DOCK1: variants seen among roughly 807,000 people sequenced by gnomAD.
DOCK1 encodes the protein dedicator of cytokinesis protein 1.
In DOCK1, 138 loss-of-function variants were observed where a neutral mutation model predicts 262.7. The ratio of observed to expected loss-of-function variants is 0.53; its 90% CI spans 0.46 to 0.61. DOCK1 has a LOEUF of 0.61. Ranked by LOEUF, DOCK1 falls within the 20% of genes least tolerant of loss-of-function variation. The probability of loss-of-function intolerance (pLI) is 0.00; values close to 1 mark genes in which losing one functional copy is unlikely to be tolerated. For missense variants in DOCK1, 1,908 were observed against 2,370.7 expected, an observed-to-expected ratio of 0.80 and a Z score of 4.05; for synonymous variants, 866 against 867.4, an observed-to-expected ratio of 1.00 and a Z score of 0.03.
intron 22 of DOCK1, among the ~76,000 whole-genome samples, chr10:127,056,721 C>T (rs774596987): frequency 2.6e-5 from 4 of 152,018 alleles, no homozygotes; most frequent in Non-Finnish European, 4.4e-5. Flanking sequence ...TTTCTCTGAA[C>T]GTTTCCTGAA....
intron 29 of DOCK1, among the ~76,000 whole-genome samples, chr10:127,315,694 G>A (rs1029835666): frequency 3.9e-5 from 6 of 152,116 alleles, no homozygotes; most frequent in African/African-American, 1.4e-4. Context: ...TGCATTTCCG[G>A]ATTCCAAATA....
At chr10:127,038,755 G>A (rs1216749002) in intron 19 of DOCK1, among the ~76,000 whole-genome samples, 1 of 152,060 alleles carries the variant, frequency 6.6e-6, no homozygotes, top group Non-Finnish European at 1.5e-5. Flanking sequence ...GGTCCTGGGA[G>A]CACTCAGCTT....
chr10:127,393,888 G>A (rs1330334126), intron 38 of DOCK1, among the ~76,000 whole-genome samples: 4 of 148,974 alleles, frequency 2.7e-5, no homozygotes, highest in Admixed American at 2.0e-4. Flanking sequence ...CCTCCTTCCC[G>A]AGCTAATAAT....
Position 127,418,341 on chromosome 10 carries a change from T to C in DOCK1, c.4516-24T>C, listed in dbSNP as rs115338722. The C allele has an allele frequency of 6.5e-4, 1,036 of 1,587,662 alleles. 3 individuals carry two copies. In the African/African-American group the frequency reaches 9.3e-3, roughly 14 times the overall value. ...AGTGGAGGCAGCTGTGGGGCTGACA[T>C]CGGGCTCTCCTCTCTCTTTGCAGGT... On this transcript the variant is annotated intron_variant, in intron 44 of 51. Transcript: ENST00000623213.
intron 22 of DOCK1, among the ~76,000 whole-genome samples, chr10:127,060,660 A>G (rs532429404): frequency 2.6e-5 from 4 of 152,254 alleles, no homozygotes; most frequent in East Asian, 3.9e-4. Context: ...CTGCTAATAA[A>G]TAATTTACAA....
At chr10:127,277,924 A>G (rs1394896553) in intron 29 of DOCK1, among the ~76,000 whole-genome samples, 2 of 131,218 alleles carry the variant, frequency 1.5e-5, no homozygotes, top group Non-Finnish European at 3.5e-5. Flanking sequence ...TGTAAAAGTC[A>G]ACTTTCTTTT....
At chr10:127,042,975 C>T in intron 20 of DOCK1, 89 bp from the exon 21 acceptor site, 1 of 1,064,850 alleles carries the variant, frequency 9.4e-7, no homozygotes, top group Non-Finnish European at 1.4e-6. Flanking sequence ...GGTTCATATC[C>T]TAACACAGGG....
chr10:127,241,904 G>T (rs577823971), intron 27 of DOCK1, among the ~76,000 whole-genome samples: 1 of 152,302 alleles, frequency 6.6e-6, no homozygotes, highest in African/African-American at 2.4e-5. Flanking sequence ...GGCATAGGCA[G>T]ACTGGATATA....
intron 27 of DOCK1, among the ~76,000 whole-genome samples, chr10:127,131,361 G>C (rs1466611610): frequency 6.6e-6 from 1 of 152,068 alleles, no homozygotes. Flanking sequence ...CCATCTCTAA[G>C]ATCTGTAAAG....
At chr10:126,999,519 A>C in intron 9 of DOCK1, 84 bp downstream of exon 9, 1 of 1,144,082 alleles carries the variant, frequency 8.7e-7, no homozygotes, top group Non-Finnish European at 1.3e-6. Context: ...TTCCTGCGAC[A>C]CTAGAACATG....
intron 23 of DOCK1, among the ~76,000 whole-genome samples, chr10:127,084,391 C>A (rs1296034878): frequency 1.3e-5 from 2 of 152,188 alleles, no homozygotes; most frequent in Non-Finnish European, 2.9e-5. Flanking sequence ...TTGAAAAAGG[C>A]CCTTTCCCTA....
In DOCK1 at chr10:126,912,454, C is replaced by T. The variant is rs551233819; in HGVS notation, c.46+6891C>T. Reference sequence around the variant, plus strand: ...TCAAAAAAAAAAAAGAGACCGGGCGCGGTGGCTCACGCCTGTAATCCTAGC... The same window carrying T: ...TCAAAAAAAAAAAAGAGACCGGGCGTGGTGGCTCACGCCTGTAATCCTAGC... On this transcript the variant is annotated intron_variant, in intron 1 of 51. Transcript: ENST00000623213. 3.3e-5 allele frequency among the ~76,000 whole-genome samples: 5 copies of T among 149,832 alleles called. No individual in the cohort carries two copies. The South Asian group carries it at 8.4e-4, about 25-fold the overall frequency.
chr10:126,927,909 C>T (rs2033880779), intron 1 of DOCK1, among the ~76,000 whole-genome samples: 1 of 152,104 alleles, frequency 6.6e-6, no homozygotes, highest in Non-Finnish European at 1.5e-5. Flanking sequence ...AGTTACCATG[C>T]TCGGCGGAGA....
intron 23 of DOCK1, among the ~76,000 whole-genome samples, chr10:127,064,576 C>A (rs1400295938): frequency 6.6e-6 from 1 of 152,194 alleles, no homozygotes; most frequent in Admixed American, 6.5e-5. Context: ...GGAAACTCCA[C>A]TGAGTGTGTG....
intron 44 of DOCK1, 117 bp downstream of exon 44, chr10:127,415,355 T>G: frequency 1.0e-6 from 1 of 958,004 alleles, no homozygotes; most frequent in South Asian, 1.6e-5. Flanking sequence ...CACAGCAGAC[T>G]CTACAGTTCC....
chr10:127,266,903 T>G (rs1036819697), intron 29 of DOCK1, among the ~76,000 whole-genome samples: 5 of 152,172 alleles, frequency 3.3e-5, no homozygotes, highest in African/African-American at 1.2e-4. Flanking sequence ...AGGGCCACAG[T>G]TCTCCTTCCT....
At chr10:126,940,400 A>G (rs1395424759) in intron 1 of DOCK1, among the ~76,000 whole-genome samples, 1 of 152,126 alleles carries the variant, frequency 6.6e-6, no homozygotes, top group African/African-American at 2.4e-5. Context: ...CTCAATATTC[A>G]GAGTATGTGT....
intron 27 of DOCK1, among the ~76,000 whole-genome samples, chr10:127,145,060 CCG>C: frequency 6.6e-6 from 1 of 152,148 alleles, no homozygotes; most frequent in African/African-American, 2.4e-5. Context: ...TGGATGTTTT[CCG>C]TGACCATACT....
intron 26 of DOCK1, 122 bp from the exon 27 acceptor site, chr10:127,127,546 TC>T: frequency 1.6e-6 from 1 of 610,142 alleles, no homozygotes; most frequent in Non-Finnish European, 2.6e-6. Flanking sequence ...GGGCCATTTT[TC>T]ATCTCATTAA....
Sources: allele counts gnomAD v4.1 joint callset (sites outside exome capture counted in the v4.1 genomes callset), GRCh38; gene constraint gnomAD v4.1.1; transcripts MANE v1.5; gene names NCBI Gene and HGNC (gene_info 2026-07-23, HGNC 2026-07-21).